Variants in TENM1 observed in about 807,000 individuals in gnomAD.
TENM1 encodes the protein teneurin-1.
TENM1 carries 35 observed loss-of-function variants against 174.8 expected under a neutral mutation model. The observed-to-expected ratio is 0.20, with a 90% CI of 0.15 to 0.27. The LOEUF is 0.27. Among genes scored for constraint, TENM1 ranks in the 10% least tolerant of loss-of-function variants. The probability of loss-of-function intolerance (pLI) is 1.00; values close to 1 mark genes in which losing one functional copy is unlikely to be tolerated. For synonymous variants in TENM1, 781 were observed against 798.7 expected (o/e 0.98, Z 0.37); for missense variants, 1,633 against 2,130.1 (o/e 0.77, Z 4.59).
At chrX:124,500,526 T>C (rs2047305884) in intron 19 of TENM1, among the ~76,000 whole-genome samples, 1 of 111,937 alleles carries the variant, frequency 8.9e-6, no homozygotes, top group South Asian at 3.7e-4. Flanking sequence ...GGGAATCCAA[T>C]GATCCTAGGA....
At chrX:124,449,491 A>G (rs756303077) in intron 23 of TENM1, among the ~76,000 whole-genome samples, 2 of 112,527 alleles carry the variant, frequency 1.8e-5, no homozygotes, top group South Asian at 7.4e-4. Flanking sequence ...ACTTTTCTAC[A>G]CAGAAACAGA....
exon 11 of TENM1, chrX:124,641,877 T>C: frequency 8.3e-7 from 1 of 1,211,386 alleles, no homozygotes; most frequent in African/African-American, 1.7e-5. Flanking sequence ...TGAGCACTGC[T>C]CTTGACATAC....
intron 1 of TENM1, among the ~76,000 whole-genome samples, chrX:124,947,479 A>G (rs776831916): frequency 8.9e-6 from 1 of 111,771 alleles, no homozygotes; most frequent in East Asian, 2.8e-4. Flanking sequence ...TCAATTTCAT[A>G]AATTGTAAAA....
rs764026823 is a variant in TENM1, at chrX:124,941,379, A to C, written c.217+22158T>G. On this transcript the variant is annotated intron_variant, in intron 1 of 31. Transcript: ENST00000422452. ...ATAATACCACTTGTCTTGAATTTCC[A>C]TTAGTCCACTTCTCAGCAATTTTCC... Among the ~76,000 whole-genome samples the C allele has an allele frequency of 2.7e-5, 3 of 111,492 alleles. No individual in the cohort carries two copies. The East Asian group carries it at 8.5e-4, about 31-fold the overall frequency.
At chrX:124,612,441 T>C (rs2050298499) in intron 11 of TENM1, among the ~76,000 whole-genome samples, 1 of 111,383 alleles carries the variant, frequency 9.0e-6, no homozygotes, top group Non-Finnish European at 1.9e-5. Flanking sequence ...TGAAATCTAC[T>C]AGGTTGGAAC....
At chrX:124,640,561 A>G (rs1228735998) in intron 11 of TENM1, among the ~76,000 whole-genome samples, 6 of 112,234 alleles carry the variant, frequency 5.3e-5, no homozygotes, top group Non-Finnish European at 3.8e-5. Context: ...ATAAAGAATG[A>G]CTTGTTATTT....
intron 22 of TENM1, among the ~76,000 whole-genome samples, chrX:124,458,639 T>C (rs1971055229): frequency 8.9e-6 from 1 of 112,738 alleles, no homozygotes; most frequent in African/African-American, 3.2e-5. Flanking sequence ...CTGACTGGAA[T>C]GTCTTATTTT....
chrX:124,713,115 C>T (rs1016249754), intron 4 of TENM1, among the ~76,000 whole-genome samples: 22 of 111,617 alleles, frequency 2.0e-4, no homozygotes, highest in Non-Finnish European at 2.6e-4. Context: ...TTCCATGCTC[C>T]GTCCACATCG....
At chrX:125,005,819 G>T in the TENM1 span, among the ~76,000 whole-genome samples, 1 of 111,629 alleles carries the variant, frequency 9.0e-6, no homozygotes, top group Non-Finnish European at 1.9e-5. Flanking sequence ...AAGCTATTAA[G>T]TGACTGTGCC....
At chrX:124,951,169 A>T (rs758043232) in intron 1 of TENM1, among the ~76,000 whole-genome samples, 2 of 112,166 alleles carry the variant, frequency 1.8e-5, no homozygotes, top group East Asian at 5.6e-4. Flanking sequence ...AATAAAAAAA[A>T]CCACAGAATA....
the TENM1 span, among the ~76,000 whole-genome samples, chrX:125,192,206 C>G: frequency 1.4e-4 from 15 of 110,315 alleles, no homozygotes; most frequent in Admixed American, 1.5e-3. Flanking sequence ...GGCACAAGGC[C>G]CTGAGAAAAA....
chrX:124,701,102 T>C (rs938097359), intron 5 of TENM1, among the ~76,000 whole-genome samples: 6 of 111,488 alleles, frequency 5.4e-5, no homozygotes, highest in Non-Finnish European at 7.5e-5. Flanking sequence ...GGCTATATAG[T>C]ATGTCATGAC....
the TENM1 span, among the ~76,000 whole-genome samples, chrX:124,987,701 T>TTTTGTG: frequency 1.1e-5 from 1 of 91,384 alleles, no homozygotes; most frequent in African/African-American, 4.1e-5. Context: ...GTTCTGCATT[T>TTTTGTG]TGTGTGTGTG....
At chrX:124,437,329 T>A (rs2060853759) in intron 23 of TENM1, among the ~76,000 whole-genome samples, 1 of 109,846 alleles carries the variant, frequency 9.1e-6, no homozygotes, top group Admixed American at 9.8e-5. Flanking sequence ...CTATTGTAGG[T>A]CAGTGGTAAC....
intron 5 of TENM1, among the ~76,000 whole-genome samples, chrX:124,683,519 A>T (rs893228029): frequency 8.9e-6 from 1 of 112,010 alleles, no homozygotes; most frequent in Non-Finnish European, 1.9e-5. Flanking sequence ...CATCAATCTC[A>T]GGTAAGTACA....
At chrX:124,589,903 T>C (rs1052271822) in intron 11 of TENM1, among the ~76,000 whole-genome samples, 5 of 111,522 alleles carry the variant, frequency 4.5e-5, no homozygotes, top group Admixed American at 1.9e-4. Context: ...GATTTTTGAG[T>C]TTAATTTATT....
intron 28 of TENM1, among the ~76,000 whole-genome samples, chrX:124,386,996 G>C (rs1239979008): frequency 9.3e-6 from 1 of 107,718 alleles, no homozygotes; most frequent in Non-Finnish European, 1.9e-5. Flanking sequence ...TGTTTCAGAG[G>C]AAGGTAAATG....
chrX:124,705,021 T>C (rs991740404), exon 5 of TENM1: 1 of 1,201,112 alleles, frequency 8.3e-7, no homozygotes, highest in Non-Finnish European at 1.1e-6. Flanking sequence ...ACCAATCACA[T>C]AGGCTAGTAA....
intron 4 of TENM1, 118 bp from the exon 8 acceptor site, chrX:124,705,369 G>A (rs2052875205): frequency 4.1e-6 from 2 of 489,034 alleles, no homozygotes; most frequent in Middle Eastern, 4.4e-4. Flanking sequence ...ACTGGATGGA[G>A]CTCAGCAACA....
Sources: allele counts gnomAD v4.1 joint callset (sites outside exome capture counted in the v4.1 genomes callset), GRCh38; gene constraint gnomAD v4.1.1; transcripts MANE v1.5; gene names NCBI Gene and HGNC (gene_info 2026-07-23, HGNC 2026-07-21).